Variants in ZNF667 observed in about 807,000 individuals in gnomAD.
ZNF667 encodes zinc finger protein 667.
Under a neutral mutation model 31.8 loss-of-function variants are expected in ZNF667, and 13 were observed. The observed-to-expected ratio is 0.41, with a 90% CI of 0.27 to 0.65. ZNF667 has a LOEUF of 0.65. Ranked by LOEUF, ZNF667 falls within the 30% of genes least tolerant of loss-of-function variation. The pLI is 0.32. For synonymous variants in ZNF667, 228 were observed against 247.1 expected (o/e 0.92, Z 0.73); for missense variants, 642 against 725.6 (o/e 0.88, Z 1.32).
intron 6 of ZNF667, among the ~76,000 whole-genome samples, chr19:56,452,142 G>A (rs1302300556): frequency 6.6e-6 from 1 of 151,080 alleles, no homozygotes; most frequent in Non-Finnish European, 1.5e-5. Flanking sequence ...TCTGCCTCCT[G>A]GGTTCAAGCG....
At chr19:56,464,909 C>T (rs1346415810) in intron 3 of ZNF667, among the ~76,000 whole-genome samples, 1 of 152,228 alleles carries the variant, frequency 6.6e-6, no homozygotes, top group African/African-American at 2.4e-5. Flanking sequence ...TGCAGCCATT[C>T]CCTGGCCCTC....
rs762897472 is a variant in ZNF667, at chr19:56,440,659, CAG to C, written c.*501_*502del. 11 of 840,024 alleles carry C rather than the reference CAG, an allele frequency of 1.3e-5. No individual in the cohort carries two copies. Among genetic ancestry groups the C allele is most frequent in the Non-Finnish European group, 1.6e-5 (11 of 701,020 alleles). The allele number at this position is 840,024 out of a possible 1,614,324, so 52.0% of individuals were successfully genotyped here. ...TCGGTAATTTTTTTTTTTTTTGACA[CAG>C]AGTCTTGCTCTGTTGCCCAGACTGG... is the stretch of plus-strand genomic sequence containing the variant. On this transcript the variant is annotated 3_prime_UTR_variant, in exon 7 of 7. Transcript: ENST00000504904.
In ZNF667 at chr19:56,441,955, A is replaced by C. The variant is rs749080643; in HGVS notation, c.1040T>G (p.Leu347Arg). ...CTCTGAAGTGTGAATTCTCTGGTGAAGCATCAGGGGTGAAATCCTATTAAA... is the reference window on the plus strand; with the variant it reads ...CTCTGAAGTGTGAATTCTCTGGTGACGCATCAGGGGTGAAATCCTATTAAA... Reference protein sequence around the residue: ...KLFNRISPLMLHQRIHTSEKP... With the variant: ...KLFNRISPLMRHQRIHTSEKP... The change falls in exon 7 of 7, where the codon CTT (leucine) becomes CGT (arginine). Residue 347 changes from leucine to arginine, a missense_variant. Coordinates refer to ENST00000504904, the MANE Select transcript of ZNF667 (RefSeq NM_001321356.2). The surrounding 1 kb of genome is among the most constrained non-coding windows in gnomAD (Gnocchi z 4.2). 6.2e-7 allele frequency: 1 copy of C among 1,614,118 alleles called. No homozygotes were observed. The highest frequency in any genetic ancestry group is 1.7e-5 in the Admixed American group (1 of 60,002).
chr19:56,468,568 CT>C (rs1374042702), intron 3 of ZNF667: 1 of 152,236 alleles, frequency 6.6e-6, no homozygotes, highest in African/African-American at 2.4e-5. Context: ...CCCCGACCAC[CT>C]TGGGCACATG....
At chr19:56,469,517 G>A (rs2043240343) in intron 3 of ZNF667, among the ~76,000 whole-genome samples, 1 of 152,092 alleles carries the variant, frequency 6.6e-6, no homozygotes, top group South Asian at 2.1e-4. Flanking sequence ...TCACGTTTGG[G>A]TCCTACACCC....
chr19:56,465,171 A>G (rs1392385225), intron 3 of ZNF667, among the ~76,000 whole-genome samples: 1 of 152,232 alleles, frequency 6.6e-6, no homozygotes, highest in Non-Finnish European at 1.5e-5. Flanking sequence ...AACAGCAGAA[A>G]TATCCCCAAA....
rs2042558908 is a variant in ZNF667, at chr19:56,439,418, G to A, written c.*1744C>T. On this transcript the variant is annotated 3_prime_UTR_variant, in exon 7 of 7. Coordinates refer to ENST00000504904, the MANE Select transcript of ZNF667 (RefSeq NM_001321356.2). ...AAGCTACTACACATGTTGAACTGCT[G>A]ACAGGAAAAGAACCCAGTAGATAAA... 3 of 152,196 alleles carry A rather than the reference G, an allele frequency of 2.0e-5. No homozygotes were observed. 9.4% of individuals were successfully genotyped at this position (152,196 alleles called of 1,614,324 possible).
upstream of ZNF667, chr19:56,477,850 C>T (rs2043451871): frequency 6.6e-6 from 1 of 152,364 alleles, no homozygotes; most frequent in South Asian, 2.1e-4. Flanking sequence ...CGCGTGCGCA[C>T]TACGCAGTCA....
At chr19:56,448,010 A>C (rs1287013655) in intron 6 of ZNF667, among the ~76,000 whole-genome samples, 1 of 152,228 alleles carries the variant, frequency 6.6e-6, no homozygotes, top group Non-Finnish European at 1.5e-5. Context: ...ACACCTTCAT[A>C]GGAACCAAAA....
In ZNF667 at chr19:56,441,204, G is replaced by T. The variant is rs1489347901; in HGVS notation, c.1791C>A (p.Ser597=). ...KCGKAYSRSS[S]LIRHQNTHSE... ...AATGTGTATTCTGATGTCGAATCAG[G>T]GATGAACTCCGACTATATGCCTTCC... The change falls in exon 7 of 7, where the codon TCC becomes TCA. Residue 597 remains serine, a synonymous_variant. Transcript: ENST00000504904. The surrounding 1 kb of genome is among the most constrained non-coding windows in gnomAD (Gnocchi z 4.2). 1 of 1,613,522 alleles carries T rather than the reference G, an allele frequency of 6.2e-7. No homozygotes were observed.
intron 6 of ZNF667, among the ~76,000 whole-genome samples, chr19:56,446,523 C>A (rs1190009173): frequency 6.6e-6 from 1 of 152,122 alleles, no homozygotes; most frequent in African/African-American, 2.4e-5. Flanking sequence ...CTGCTCCAGC[C>A]CCTGCTGGGT....
At chr19:56,461,543 C>T (rs1345913521) in intron 4 of ZNF667, among the ~76,000 whole-genome samples, 1 of 152,162 alleles carries the variant, frequency 6.6e-6, no homozygotes, top group Non-Finnish European at 1.5e-5. Context: ...TTGATTTCAG[C>T]CCTGTGAACT....
rs750026295 is a variant in ZNF667, at chr19:56,441,779, T to C, written c.1216A>G (p.Lys406Glu). 3.7e-6 allele frequency: 6 copies of C among 1,614,054 alleles called. No homozygotes were observed. The South Asian group carries it at 5.5e-5, about 15-fold the overall frequency. The change falls in exon 7 of 7, where the codon AAA (lysine) becomes GAA (glutamate). Residue 406 changes from lysine to glutamate, a missense_variant. Coordinates refer to ENST00000504904, the MANE Select transcript of ZNF667 (RefSeq NM_001321356.2). The surrounding 1 kb of genome is among the most constrained non-coding windows in gnomAD (Gnocchi z 4.2). ...AGTTTCTTTTTCTTTGTATGAACTTTCTGATGTTGAATAAGGGATGAATGC... is the reference window on the plus strand; with the variant it reads ...AGTTTCTTTTTCTTTGTATGAACTTCCTGATGTTGAATAAGGGATGAATGC... ...NRHSSLIQHQ[K>E]VHTKKKKLFE...
chr19:56,443,592 A>T (rs2042662927), intron 6 of ZNF667, among the ~76,000 whole-genome samples: 1 of 152,190 alleles, frequency 6.6e-6, no homozygotes, highest in Admixed American at 6.5e-5. Context: ...AAATGTAGAA[A>T]AGGTACAGTA....
At chr19:56,465,890 A>G (rs2043148610) in intron 3 of ZNF667, among the ~76,000 whole-genome samples, 1 of 152,250 alleles carries the variant, frequency 6.6e-6, no homozygotes, top group African/African-American at 2.4e-5. Context: ...ACTGTTAAGA[A>G]TACCTTCAGC....
rs1453649380 is a variant in ZNF667, at chr19:56,441,791, T to C, written c.1204A>G (p.Ile402Val). 3 of 1,614,082 alleles carry C rather than the reference T, an allele frequency of 1.9e-6. No homozygotes were observed. The highest frequency in any genetic ancestry group is 1.6e-4 in the Middle Eastern group (1 of 6,062). Residue 402 changes from isoleucine (I) to valine (V), a missense_variant, in exon 7 of 7, where the codon ATT becomes GTT. By Grantham distance (29) the Ile-to-Val change is conservative. Coordinates refer to ENST00000504904, the MANE Select transcript of ZNF667 (RefSeq NM_001321356.2). This position sits in a 1 kb window ranked among gnomAD's most constrained non-coding sequence, Gnocchi z 4.2. ...EKVCNRHSSL[I>V]QHQKVHTKKK... ...TTTGTATGAACTTTCTGATGTTGAA[T>C]AAGGGATGAATGCCGATTGCAGACC...
intron 6 of ZNF667, 143 bp from the exon 7 acceptor site, chr19:56,442,884 T>A: frequency 8.7e-7 from 1 of 1,154,798 alleles, no homozygotes; most frequent in Non-Finnish European, 1.2e-6. Context: ...TTATTGTGGT[T>A]TTGATGACTA....
At position 56,442,207 on chromosome 19, in the gene ZNF667, T is replaced by C. The variant is rs1600396718; in HGVS notation, c.788A>G (p.Asn263Ser). 1.2e-6 allele frequency: 2 copies of C among 1,614,156 alleles called. No homozygotes were observed. Among genetic ancestry groups the C allele is most frequent in the South Asian group, 1.1e-5 (1 of 91,074 alleles). The change falls in exon 7 of 7, where the codon AAT becomes AGT. Residue 263 changes from asparagine to serine, a missense_variant. Physicochemically the swap from Asn to Ser is conservative, Grantham distance 46 (BLOSUM62 1). Coordinates refer to ENST00000504904, the MANE Select transcript of ZNF667 (RefSeq NM_001321356.2). ...ATGAAGTAAAAGGGATGACATCTGA[T>C]TGAAGGCTTTTCCGCACTTTCTGCA... is the stretch of plus-strand genomic sequence containing the variant. ...CQCRKCGKAFNQMSSLLLHKK... is the reference protein window; with the variant it reads ...CQCRKCGKAFSQMSSLLLHKK...
At chr19:56,471,657 T>C (rs1465535807) in intron 3 of ZNF667, 42 bp downstream of exon 3, 2 of 152,234 alleles carry the variant, frequency 1.3e-5, no homozygotes, top group African/African-American at 4.8e-5. Flanking sequence ...ATAATAAATC[T>C]GGGTTTGTGT....
Sources: allele counts gnomAD v4.1 joint callset (sites outside exome capture counted in the v4.1 genomes callset), GRCh38; gene constraint gnomAD v4.1.1; non-coding constraint Gnocchi (gnomAD v3.1); transcripts MANE v1.5; gene names NCBI Gene and HGNC (gene_info 2026-07-23, HGNC 2026-07-21).